The following OXR1 variants were observed in gnomAD, a reference collection of about 807,000 sequenced individuals.
The protein encoded by OXR1 is oxidation resistance protein 1.
In OXR1, 41 loss-of-function variants were observed where a neutral mutation model predicts 104.6. The observed-to-expected ratio is 0.39, with a 90% CI of 0.31 to 0.51. The LOEUF (loss-of-function observed/expected upper bound fraction) is 0.51. OXR1 is among the 20% of genes least tolerant of loss of function. OXR1 has a pLI of 0.77. For synonymous variants in OXR1, 348 were observed against 348.4 expected (o/e 1.00, Z 0.01); for missense variants, 955 against 1,031.9 (o/e 0.93, Z 1.02).
intron 3 of OXR1, among the ~76,000 whole-genome samples, chr8:106,526,199 A>G (rs1469203570): frequency 1.3e-5 from 2 of 152,202 alleles, no homozygotes; most frequent in Non-Finnish European, 2.9e-5. Flanking sequence ...GACATTCTAG[A>G]TGATGAATTG....
chr8:106,375,035 CA>C (rs1318519213), intron 2 of OXR1, among the ~76,000 whole-genome samples: 3 of 152,144 alleles, frequency 2.0e-5, no homozygotes. Context: ...ATGACTATGA[CA>C]AAATAAATTG....
In OXR1 at chr8:106,739,578, G is replaced by A; in HGVS notation, c.2158G>A (p.Glu720Lys). Residue 720 changes from glutamate (E) to lysine (K), a missense_variant, in exon 13 of 17, where the codon GAA becomes AAA. This residue lies in a region of OXR1 where 849 missense variants were observed against 852.9 expected (regional missense o/e 1.00). Coordinates refer to ENST00000517566, the MANE Select transcript of OXR1 (RefSeq NM_001198533.2). ...TGAACTTTTACTGCCAGATCAAATTGAAAAGGTATGACATGCTCACATATG... is the reference window on the plus strand; with the variant it reads ...TGAACTTTTACTGCCAGATCAAATTAAAAAGGTATGACATGCTCACATATG... Reference protein sequence around the residue: ...PSELLLPDQIEKLTKHLPPRT... With the variant: ...PSELLLPDQIKKLTKHLPPRT... The A allele has an allele frequency of 6.2e-7, 1 of 1,612,998 alleles. No homozygotes were observed. The highest frequency in any genetic ancestry group is 2.2e-5 in the East Asian group (1 of 44,850).
intron 3 of OXR1, among the ~76,000 whole-genome samples, chr8:106,555,961 T>TTAC (rs142467404): frequency 7.6e-5 from 10 of 132,446 alleles, no homozygotes; most frequent in Non-Finnish European, 1.3e-4. Flanking sequence ...CAATGGAATA[T>TTAC]TAAACTATAA....
intron 15 of OXR1, among the ~76,000 whole-genome samples, chr8:106,745,406 A>AACAT (rs1262117182): frequency 6.6e-6 from 1 of 152,224 alleles, no homozygotes; most frequent in Non-Finnish European, 1.5e-5. Flanking sequence ...TTATCCAATT[A>AACAT]ACATACATTT....
At chr8:106,362,650 T>A (rs1816294944) in intron 2 of OXR1, among the ~76,000 whole-genome samples, 1 of 152,162 alleles carries the variant, frequency 6.6e-6, no homozygotes, top group Non-Finnish European at 1.5e-5. Flanking sequence ...ATCTTCCTAT[T>A]TAGTAAATAA....
At chr8:106,414,595 G>GGT (rs1436433945) in intron 2 of OXR1, among the ~76,000 whole-genome samples, 3 of 152,048 alleles carry the variant, frequency 2.0e-5, no homozygotes, top group Non-Finnish European at 4.4e-5. Flanking sequence ...TGGAAAGCTT[G>GGT]GTAAAGCATT....
rs574535342 is a variant in OXR1, at chr8:106,472,186, A to T, written c.24-46757A>T. 2.6e-4 allele frequency among the ~76,000 whole-genome samples: 40 copies of T among 151,910 alleles called. No homozygotes were observed. The South Asian group carries it at 7.9e-3, about 30-fold the overall frequency. ...TTGAGTGATGTTTCCACATCACGGG[A>T]TTCAGGATATGTAGGAGAATACTCT... On this transcript the variant is annotated intron_variant, in intron 2 of 16. Coordinates refer to ENST00000517566, the MANE Select transcript of OXR1 (RefSeq NM_001198533.2).
intron 12 of OXR1, 42 bp downstream of exon 12, chr8:106,737,642 CTCCCT>C: frequency 6.7e-6 from 5 of 747,792 alleles, no homozygotes; most frequent in Non-Finnish European, 9.7e-6. Flanking sequence ...AGACTAAATA[CTCCCT>C]GTTTTTAGTG....
intron 11 of OXR1, among the ~76,000 whole-genome samples, chr8:106,728,497 A>G (rs993462592): frequency 1.3e-5 from 2 of 152,146 alleles, no homozygotes; most frequent in Admixed American, 6.5e-5. Flanking sequence ...AAGTGAGTTA[A>G]TTTACATCTC....
At chr8:106,685,450 T>A (rs1426221494) in intron 6 of OXR1, among the ~76,000 whole-genome samples, 1 of 152,194 alleles carries the variant, frequency 6.6e-6, no homozygotes, top group Non-Finnish European at 1.5e-5. Flanking sequence ...CTACTGGCTT[T>A]CTTGGAAGGT....
At chr8:106,372,243 C>T (rs1007517874) in intron 2 of OXR1, among the ~76,000 whole-genome samples, 9 of 150,982 alleles carry the variant, frequency 6.0e-5, no homozygotes, top group Non-Finnish European at 1.3e-4. Context: ...CAACACCTCC[C>T]TTGGCTGGGG....
intron 2 of OXR1, among the ~76,000 whole-genome samples, chr8:106,436,190 T>C (rs897574557): frequency 7.9e-5 from 12 of 152,164 alleles, no homozygotes; most frequent in African/African-American, 2.9e-4. Context: ...GTCTCCTGTT[T>C]ATGTGCCATA....
chr8:106,419,695 G>T (rs1180577777), intron 2 of OXR1, among the ~76,000 whole-genome samples: 2 of 152,040 alleles, frequency 1.3e-5, no homozygotes, highest in Admixed American at 1.3e-4. Context: ...CTGGTTCTTT[G>T]TTTCTTATTT....
chr8:106,694,922 T>TATATTTTTATATATATAAATATAAA (rs1829816311), intron 7 of OXR1, among the ~76,000 whole-genome samples: 1 of 129,980 alleles, frequency 7.7e-6, no homozygotes, highest in African/African-American at 2.7e-5. Context: ...CATATTTATA[T>TATATTTTTATATATATAAATATAAA]ATATTTATAT....
intron 3 of OXR1, among the ~76,000 whole-genome samples, chr8:106,661,664 A>T (rs763720565): frequency 6.6e-6 from 1 of 152,232 alleles, no homozygotes; most frequent in South Asian, 2.1e-4. Context: ...CGTTTTTATC[A>T]TAAGCGTCCT....
intron 1 of OXR1, among the ~76,000 whole-genome samples, chr8:106,274,357 T>C (rs13250720): frequency 0.033 from 5,047 of 152,290 alleles, 126 homozygotes; most frequent in Non-Finnish European, 0.047. Context: ...ATTAGCACAA[T>C]GAAGCCTAGT....
intron 2 of OXR1, among the ~76,000 whole-genome samples, chr8:106,380,668 G>T (rs953163220): frequency 6.6e-6 from 1 of 152,136 alleles, no homozygotes; most frequent in Admixed American, 6.5e-5. Flanking sequence ...ATCCTAGTGG[G>T]TCTGTGTACA....
intron 6 of OXR1, among the ~76,000 whole-genome samples, chr8:106,689,238 T>C (rs1269403632): frequency 2.0e-5 from 3 of 152,102 alleles, no homozygotes; most frequent in Admixed American, 1.3e-4. Flanking sequence ...CAAGTATCAT[T>C]GGCATTCCTT....
intron 1 of OXR1, among the ~76,000 whole-genome samples, chr8:106,303,313 G>T (rs57408064): frequency 7.1e-6 from 1 of 141,512 alleles, no homozygotes; most frequent in Non-Finnish European, 1.5e-5. Context: ...GAGTGCACTG[G>T]TGTGATCTAG....
Sources: allele counts gnomAD v4.1 joint callset (sites outside exome capture counted in the v4.1 genomes callset), GRCh38; gene constraint gnomAD v4.1.1; regional missense constraint gnomAD v4.1.1; transcripts MANE v1.5; gene names NCBI Gene and HGNC (gene_info 2026-07-23, HGNC 2026-07-21).